Variants in WDFY2 observed in about 807,000 individuals in gnomAD.
WDFY2 encodes WD repeat and FYVE domain containing 2, also known as WD repeat and FYVE domain-containing protein 2.
A neutral mutation model predicts 56.4 loss-of-function variants in WDFY2; 36 were observed. That is an observed-to-expected ratio of 0.64 (90% confidence interval 0.49 to 0.84). WDFY2 has a LOEUF of 0.84. Ranked by LOEUF, WDFY2 falls within the 40% of genes least tolerant of loss-of-function variation. WDFY2 has a pLI of 0.00. For missense variants in WDFY2, 444 were observed against 512.2 expected, an observed-to-expected ratio of 0.87 and a Z score of 1.29; for synonymous variants, 176 against 183.7, an observed-to-expected ratio of 0.96 and a Z score of 0.34.
chr13:51,640,678 G>A (rs1323024363), intron 1 of WDFY2, among the ~76,000 whole-genome samples: 1 of 151,998 alleles, frequency 6.6e-6, no homozygotes, highest in African/African-American at 2.4e-5. Flanking sequence ...GTGAAACCCT[G>A]TCTCTACTAA....
chr13:51,590,271 A>G (rs551636515), intron 1 of WDFY2: 1 of 152,352 alleles, frequency 6.6e-6, no homozygotes, highest in African/African-American at 2.4e-5. Flanking sequence ...GTGCTGCTAA[A>G]CTTACTTTGA....
chr13:51,592,990 A>G (rs1424590606), intron 1 of WDFY2, among the ~76,000 whole-genome samples: 1 of 152,218 alleles, frequency 6.6e-6, no homozygotes, highest in Non-Finnish European at 1.5e-5. Context: ...TAATAACCAC[A>G]ATAAAGAATT....
At chr13:51,587,877 A>T (rs1453684630) in intron 1 of WDFY2, 2 of 152,206 alleles carry the variant, frequency 1.3e-5, no homozygotes, top group East Asian at 3.8e-4. Flanking sequence ...TAATGGCCTG[A>T]TAATACTCAA....
chr13:51,697,712 G>A (rs375810857), intron 3 of WDFY2, among the ~76,000 whole-genome samples: 25 of 151,838 alleles, frequency 1.6e-4, no homozygotes, highest in African/African-American at 4.8e-4. Context: ...GGGATATTAC[G>A]TAGCCATTAA....
At chr13:51,727,251 A>T (rs990504636) in intron 5 of WDFY2, among the ~76,000 whole-genome samples, 15 of 152,108 alleles carry the variant, frequency 9.9e-5, no homozygotes, top group Non-Finnish European at 2.2e-4. Flanking sequence ...TAGTCTATTT[A>T]TGCACCAATA....
At chr13:51,706,009 A>G (rs1278398343) in intron 4 of WDFY2, among the ~76,000 whole-genome samples, 1 of 151,982 alleles carries the variant, frequency 6.6e-6, no homozygotes, top group Non-Finnish European at 1.5e-5. Flanking sequence ...TCTTTGTTAA[A>G]ATAATGTTTG....
chr13:51,714,949 A>G (rs1252173081), intron 4 of WDFY2, among the ~76,000 whole-genome samples: 1 of 152,248 alleles, frequency 6.6e-6, no homozygotes, highest in African/African-American at 2.4e-5. Context: ...AGGCAGTTGT[A>G]GCACAATGGT....
intron 3 of WDFY2, 26 bp downstream of exon 3, chr13:51,675,269 A>G: frequency 6.3e-7 from 1 of 1,587,268 alleles, no homozygotes; most frequent in South Asian, 1.1e-5. Context: ...TAAGATTTCC[A>G]GTTGAAATAC....
intron 3 of WDFY2, among the ~76,000 whole-genome samples, chr13:51,700,484 A>G (rs1288986182): frequency 2.0e-5 from 3 of 152,336 alleles, no homozygotes; most frequent in South Asian, 2.1e-4. Context: ...AACAGATAAA[A>G]TCTTTTAAAA....
chr13:51,655,383 CTA>C (rs1955489511), intron 1 of WDFY2, among the ~76,000 whole-genome samples: 1 of 151,158 alleles, frequency 6.6e-6, no homozygotes, highest in South Asian at 2.1e-4. Flanking sequence ...TCCTAGTATG[CTA>C]TGTTTTTTTT....
chr13:51,649,975 G>T (rs1222901080), intron 1 of WDFY2, among the ~76,000 whole-genome samples: 2 of 152,008 alleles, frequency 1.3e-5, no homozygotes, highest in African/African-American at 2.4e-5. Flanking sequence ...GTAGCTTGAT[G>T]GGGATGGCAT....
chr13:51,614,322 G>T (rs890530555), intron 1 of WDFY2, among the ~76,000 whole-genome samples: 3 of 151,984 alleles, frequency 2.0e-5, no homozygotes, highest in African/African-American at 7.2e-5. Context: ...TGAAGATGTT[G>T]AGTGAACCCT....
chr13:51,646,441 C>T (rs1352064228), intron 1 of WDFY2, among the ~76,000 whole-genome samples: 1 of 152,228 alleles, frequency 6.6e-6, no homozygotes, highest in Non-Finnish European at 1.5e-5. Flanking sequence ...GATGCCCCCA[C>T]GTGCCCCTAT....
At chr13:51,633,568 C>G (rs1364163519) in intron 1 of WDFY2, among the ~76,000 whole-genome samples, 1 of 152,146 alleles carries the variant, frequency 6.6e-6, no homozygotes, top group Non-Finnish European at 1.5e-5. Flanking sequence ...CTGCTGTTTG[C>G]TAAATTATTC....
At chr13:51,702,868 A>G (rs986105745) in intron 3 of WDFY2, among the ~76,000 whole-genome samples, 5 of 152,216 alleles carry the variant, frequency 3.3e-5, no homozygotes, top group African/African-American at 4.8e-5. Flanking sequence ...AATGAAGTCT[A>G]AGGACTCAAA....
chr13:51,723,954 AAATAC>A (rs1169066407), intron 5 of WDFY2, among the ~76,000 whole-genome samples: 1 of 152,212 alleles, frequency 6.6e-6, no homozygotes, highest in African/African-American at 2.4e-5. Context: ...GGTTACCCTG[AAATAC>A]AATTATTATA....
Position 51,675,152 on chromosome 13 carries a change from C to T in WDFY2, c.206-18C>T, listed in dbSNP as rs1566107125. 3 of 1,613,018 alleles carry T rather than the reference C, an allele frequency of 1.9e-6. No individual in the cohort carries two copies. Among genetic ancestry groups the T allele is most frequent in the Non-Finnish European group, 2.5e-6 (3 of 1,179,134 alleles). ...ATCATGGTTTTGTTAATTTCATCAA[C>T]ATGTTCATTTCTTTCAGCTCCATGT... On this transcript the variant is annotated intron_variant, in intron 2 of 11. Transcript: ENST00000298125.
At chr13:51,623,047 G>C (rs753560841) in intron 1 of WDFY2, among the ~76,000 whole-genome samples, 1 of 151,796 alleles carries the variant, frequency 6.6e-6, no homozygotes, top group Non-Finnish European at 1.5e-5. Context: ...TAGTGGAGAC[G>C]GGGTTTTGCC....
chr13:51,690,179 G>C (rs549539879), intron 3 of WDFY2, among the ~76,000 whole-genome samples: 1 of 119,706 alleles, frequency 8.4e-6, no homozygotes, highest in Non-Finnish European at 1.7e-5. Context: ...TTTTGATTTA[G>C]ATCATTATAT....
Sources: allele counts gnomAD v4.1 joint callset (sites outside exome capture counted in the v4.1 genomes callset), GRCh38; gene constraint gnomAD v4.1.1; transcripts MANE v1.5; gene names NCBI Gene and HGNC (gene_info 2026-07-23, HGNC 2026-07-21).